The following THSD7B variants were observed in gnomAD, a reference collection of about 807,000 sequenced individuals.
The protein encoded by THSD7B is thrombospondin type 1 domain containing 7B.
THSD7B carries 138 observed loss-of-function variants against 213.6 expected under a neutral mutation model. The ratio of observed to expected loss-of-function variants is 0.65; its 90% CI spans 0.56 to 0.74. The LOEUF is 0.74. Ranked by LOEUF, THSD7B falls within the 30% of genes least tolerant of loss-of-function variation. The pLI is 0.00. For synonymous variants in THSD7B, 742 were observed against 687.0 expected (o/e 1.08, Z -1.25); for missense variants, 1,931 against 1,991.5 (o/e 0.97, Z 0.58).
At chr2:137,558,058 G>A (rs1681019402) in intron 15 of THSD7B, among the ~76,000 whole-genome samples, 1 of 152,170 alleles carries the variant, frequency 6.6e-6, no homozygotes, top group Non-Finnish European at 1.5e-5. Context: ...CTCTGAAATT[G>A]AGGCAATAAT....
chr2:137,531,097 T>C (rs1680388839), intron 15 of THSD7B, among the ~76,000 whole-genome samples: 1 of 151,904 alleles, frequency 6.6e-6, no homozygotes, highest in Non-Finnish European at 1.5e-5. Context: ...GAAAATAAAA[T>C]AAAATCATAG....
chr2:137,158,051 C>A (rs1679943754), intron 5 of THSD7B, among the ~76,000 whole-genome samples: 1 of 152,222 alleles, frequency 6.6e-6, no homozygotes, highest in African/African-American at 2.4e-5. Flanking sequence ...CTTTCATCAG[C>A]TCTGTTAAAA....
At chr2:136,825,720 T>TTTTTTTTTTTTTGTTTTTTTTG (rs1682636776) in intron 1 of THSD7B, among the ~76,000 whole-genome samples, 1 of 143,332 alleles carries the variant, frequency 7.0e-6, no homozygotes, top group Non-Finnish European at 1.5e-5. Context: ...CCTGGCTAAT[T>TTTTTTTTTTTTTGTTTTTTTTG]TTTTTTTTTT....
intron 15 of THSD7B, among the ~76,000 whole-genome samples, chr2:137,557,417 C>T (rs1015479636): frequency 1.3e-5 from 2 of 152,166 alleles, no homozygotes; most frequent in South Asian, 2.1e-4. Context: ...TACATGGATA[C>T]TGAACAACCT....
intron 14 of THSD7B, among the ~76,000 whole-genome samples, chr2:137,443,418 T>G (rs1367125023): frequency 6.6e-6 from 1 of 152,170 alleles, no homozygotes; most frequent in Non-Finnish European, 1.5e-5. Flanking sequence ...AATATATTCA[T>G]GTTATCTCAA....
intron 15 of THSD7B, among the ~76,000 whole-genome samples, chr2:137,548,615 C>G (rs961994797): frequency 6.6e-6 from 1 of 152,026 alleles, no homozygotes; most frequent in Non-Finnish European, 1.5e-5. Flanking sequence ...CATACCCCAG[C>G]TAGCTGCAGT....
intron 2 of THSD7B, among the ~76,000 whole-genome samples, chr2:136,898,982 C>T (rs1277540194): frequency 1.3e-5 from 2 of 152,050 alleles, no homozygotes; most frequent in Non-Finnish European, 2.9e-5. Context: ...CCCTTATGTC[C>T]AGAGGCCACT....
intron 12 of THSD7B, among the ~76,000 whole-genome samples, chr2:137,359,088 G>A (rs1480737770): frequency 6.6e-6 from 1 of 152,188 alleles, no homozygotes; most frequent in Non-Finnish European, 1.5e-5. Context: ...ACAATTTCAT[G>A]TGTGCTTACA....
intron 2 of THSD7B, among the ~76,000 whole-genome samples, chr2:137,028,653 T>C (rs1430175902): frequency 6.6e-6 from 1 of 152,180 alleles, no homozygotes; most frequent in Non-Finnish European, 1.5e-5. Flanking sequence ...AGCAAGTAAA[T>C]GAGGCAATGC....
At chr2:137,119,595 A>G (rs1173623448) in intron 5 of THSD7B, among the ~76,000 whole-genome samples, 2 of 152,188 alleles carry the variant, frequency 1.3e-5, no homozygotes, top group African/African-American at 4.8e-5. Flanking sequence ...ACTGGTGTGA[A>G]GAGAGCTCAG....
intron 10 of THSD7B, among the ~76,000 whole-genome samples, chr2:137,245,631 A>C (rs77334475): frequency 0.031 from 4,703 of 152,196 alleles, 134 homozygotes; most frequent in African/African-American, 0.081. Flanking sequence ...CCCCTGCTAG[A>C]TTTTAAGTCC....
chr2:137,152,828 G>A (rs1330207071), intron 5 of THSD7B, among the ~76,000 whole-genome samples: 1 of 152,122 alleles, frequency 6.6e-6, no homozygotes, highest in Admixed American at 6.6e-5. Flanking sequence ...TTCTGCCCTT[G>A]AAATCTCTGG....
intron 25 of THSD7B, among the ~76,000 whole-genome samples, chr2:137,660,006 G>A (rs1332727689): frequency 6.6e-6 from 1 of 151,680 alleles, no homozygotes; most frequent in Non-Finnish European, 1.5e-5. Flanking sequence ...TTACCAGTAA[G>A]TATTCTCAGT....
At chr2:137,003,231 G>A (rs1268074038) in intron 2 of THSD7B, among the ~76,000 whole-genome samples, 1 of 152,150 alleles carries the variant, frequency 6.6e-6, no homozygotes. Context: ...AAACTCAGAG[G>A]CATATTTTGA....
At chr2:137,290,235 G>A (rs894157368) in intron 12 of THSD7B, among the ~76,000 whole-genome samples, 5 of 151,572 alleles carry the variant, frequency 3.3e-5, no homozygotes, top group African/African-American at 1.2e-4. Flanking sequence ...ACTACAAGGC[G>A]TGTGCCACCA....
intron 2 of THSD7B, among the ~76,000 whole-genome samples, chr2:136,913,980 G>A (rs925802529): frequency 5.9e-5 from 9 of 152,180 alleles, no homozygotes; most frequent in African/African-American, 2.2e-4. Flanking sequence ...CTGACAGCTT[G>A]AACCATGCAT....
At chr2:137,527,641 G>A (rs1208800010) in intron 15 of THSD7B, among the ~76,000 whole-genome samples, 2 of 151,998 alleles carry the variant, frequency 1.3e-5, no homozygotes, top group Admixed American at 6.6e-5. Flanking sequence ...CTCTGTGCTT[G>A]ATCCAAAGGT....
intron 1 of THSD7B, among the ~76,000 whole-genome samples, chr2:136,835,786 G>T (rs1384886389): frequency 6.6e-6 from 1 of 151,972 alleles, no homozygotes; most frequent in Non-Finnish European, 1.5e-5. Flanking sequence ...GAATTCCATG[G>T]CCCAAGAAGA....
intron 12 of THSD7B, among the ~76,000 whole-genome samples, chr2:137,361,879 A>G (rs992673827): frequency 7.2e-5 from 11 of 152,178 alleles, no homozygotes; most frequent in Non-Finnish European, 1.6e-4. Flanking sequence ...GGAAATACAG[A>G]GAACACCACA....
Sources: allele counts gnomAD v4.1 joint callset (sites outside exome capture counted in the v4.1 genomes callset), GRCh38; gene constraint gnomAD v4.1.1; transcripts MANE v1.5; gene names NCBI Gene and HGNC (gene_info 2026-07-23, HGNC 2026-07-21).